SLC39A11: variants seen among roughly 807,000 people sequenced by gnomAD.
The protein encoded by SLC39A11 is solute carrier family 39 member 11.
A neutral mutation model predicts 36.1 loss-of-function variants in SLC39A11; 33 were observed. The observed-to-expected ratio is 0.91, with a 90% CI of 0.69 to 1.22. SLC39A11 has a LOEUF of 1.22. SLC39A11 is among the 50% of genes most tolerant of loss of function. SLC39A11 has a pLI of 0.00. For synonymous variants in SLC39A11, 166 were observed against 170.3 expected (o/e 0.97, Z 0.20); for missense variants, 432 against 430.3 (o/e 1.00, Z -0.03).
intron 3 of SLC39A11, chr17:73,068,423 C>T: frequency 2.4e-6 from 1 of 410,994 alleles, no homozygotes; most frequent in Non-Finnish European, 4.3e-6. Context: ...ACCACCAGTA[C>T]AACTAGCTGT....
At chr17:72,754,022 A>ATG (rs2075261657) in intron 6 of SLC39A11, among the ~76,000 whole-genome samples, 1 of 17,976 alleles carries the variant, frequency 5.6e-5, no homozygotes, top group African/African-American at 2.4e-4. Flanking sequence ...GTATATATGT[A>ATG]TATATATATA....
intron 3 of SLC39A11, among the ~76,000 whole-genome samples, chr17:73,042,155 C>T (rs1030447817): frequency 2.0e-5 from 3 of 152,158 alleles, no homozygotes; most frequent in Non-Finnish European, 2.9e-5. Flanking sequence ...TATTCTGGCA[C>T]GATGGGTACA....
chr17:72,919,749 C>T (rs1192240492), intron 5 of SLC39A11, among the ~76,000 whole-genome samples: 5 of 151,626 alleles, frequency 3.3e-5, no homozygotes, highest in South Asian at 2.1e-4. Flanking sequence ...GATGACCCCG[C>T]GTGGGGTGGA....
At chr17:72,717,884 C>T (rs2073475220) in intron 7 of SLC39A11, among the ~76,000 whole-genome samples, 1 of 152,164 alleles carries the variant, frequency 6.6e-6, no homozygotes, top group Admixed American at 6.5e-5. Flanking sequence ...TGAGTCATGA[C>T]CGCAAGGCCA....
intron 2 of SLC39A11, among the ~76,000 whole-genome samples, chr17:73,086,194 G>C (rs1326075292): frequency 6.6e-6 from 1 of 152,162 alleles, no homozygotes; most frequent in African/African-American, 2.4e-5. Flanking sequence ...GTACTGTTTT[G>C]TTTCTTGATC....
intron 7 of SLC39A11, among the ~76,000 whole-genome samples, chr17:72,722,075 CA>C (rs1555648494): frequency 9.8e-6 from 1 of 102,386 alleles, no homozygotes; most frequent in African/African-American, 3.8e-5. Context: ...ATGAAGTAGC[CA>C]AAGAAAAAAA....
chr17:73,059,775 A>G (rs1386415465), intron 3 of SLC39A11, among the ~76,000 whole-genome samples: 1 of 152,194 alleles, frequency 6.6e-6, no homozygotes, highest in East Asian at 1.9e-4. Flanking sequence ...AAGGAAAAAA[A>G]GAGTAATTTT....
At chr17:72,912,961 T>A (rs2083107128) in intron 5 of SLC39A11, among the ~76,000 whole-genome samples, 1 of 152,270 alleles carries the variant, frequency 6.6e-6, no homozygotes, top group African/African-American at 2.4e-5. Context: ...AGATGTGGTG[T>A]CAGGACGGTA....
chr17:72,807,836 C>T (rs562414841), intron 6 of SLC39A11, among the ~76,000 whole-genome samples: 3 of 152,218 alleles, frequency 2.0e-5, no homozygotes, highest in Admixed American at 6.5e-5. Flanking sequence ...TAACTGAACC[C>T]GACGAGGGGG....
intron 5 of SLC39A11, among the ~76,000 whole-genome samples, chr17:72,941,556 G>GTTT (rs11350044): frequency 2.0e-5 from 3 of 146,688 alleles, no homozygotes; most frequent in Non-Finnish European, 3.0e-5. Flanking sequence ...TCAGGACTGT[G>GTTT]TTTTTTTTTT....
intron 7 of SLC39A11, among the ~76,000 whole-genome samples, chr17:72,673,541 AACAATGTT>A (rs1404370513): frequency 2.0e-5 from 3 of 152,222 alleles, no homozygotes; most frequent in African/African-American, 7.2e-5. Flanking sequence ...CCATCCAGAG[AACAATGTT>A]TGCACAGTTT....
chr17:72,937,712 G>T (rs911672489), intron 5 of SLC39A11, among the ~76,000 whole-genome samples: 1 of 152,134 alleles, frequency 6.6e-6, no homozygotes, highest in African/African-American at 2.4e-5. Context: ...CGTGTCTCCT[G>T]GTTTTATGTG....
At chr17:72,705,172 T>C (rs2072836894) in intron 7 of SLC39A11, among the ~76,000 whole-genome samples, 1 of 152,180 alleles carries the variant, frequency 6.6e-6, no homozygotes, top group Non-Finnish European at 1.5e-5. Flanking sequence ...TTTCTGTGTC[T>C]TGCAAATGAT....
At chr17:72,803,437 G>A (rs956000668) in intron 6 of SLC39A11, among the ~76,000 whole-genome samples, 3 of 152,210 alleles carry the variant, frequency 2.0e-5, no homozygotes, top group Admixed American at 6.5e-5. Flanking sequence ...AATGCCACAC[G>A]CAGGAGGTAC....
At chr17:72,863,832 C>T (rs1299337156) in intron 5 of SLC39A11, among the ~76,000 whole-genome samples, 15 of 152,186 alleles carry the variant, frequency 9.9e-5, no homozygotes, top group Admixed American at 8.5e-4. Context: ...TGTCTTAATA[C>T]GAAGCTCAAG....
At chr17:73,003,814 G>A (rs1021006236) in intron 4 of SLC39A11, among the ~76,000 whole-genome samples, 2 of 152,098 alleles carry the variant, frequency 1.3e-5, no homozygotes, top group African/African-American at 2.4e-5. Flanking sequence ...GGCCAGGTAC[G>A]GTGGCTCATG....
chr17:72,852,820 C>T lies in SLC39A11; in HGVS notation c.431-3016G>A, dbSNP rs148743862. Among the ~76,000 whole-genome samples the T allele has an allele frequency of 7.2e-5, 11 of 152,262 alleles. No homozygotes were observed. The East Asian group carries it at 1.9e-3, about 27-fold the overall frequency. On this transcript the variant is annotated intron_variant, in intron 5 of 9. Coordinates refer to ENST00000255559, the MANE Select transcript of SLC39A11 (RefSeq NM_139177.4). ...AGCTCACAAATGCTAAAGACATAAG[C>T]AAAGCAGTCCCTGAGAGCTGTCCAT...
At chr17:72,814,554 G>T (rs1329437487) in intron 6 of SLC39A11, among the ~76,000 whole-genome samples, 1 of 152,216 alleles carries the variant, frequency 6.6e-6, no homozygotes, top group Non-Finnish European at 1.5e-5. Flanking sequence ...GTGCCTGAGA[G>T]AACTCCAGTA....
intron 7 of SLC39A11, among the ~76,000 whole-genome samples, chr17:72,735,259 C>A (rs907682297): frequency 2.6e-5 from 4 of 152,248 alleles, no homozygotes; most frequent in Middle Eastern, 3.4e-3. Flanking sequence ...AATTCAGCGA[C>A]CAGCAATGAC....
Sources: allele counts gnomAD v4.1 joint callset (sites outside exome capture counted in the v4.1 genomes callset), GRCh38; gene constraint gnomAD v4.1.1; transcripts MANE v1.5; gene names NCBI Gene and HGNC (gene_info 2026-07-23, HGNC 2026-07-21).